OCA2: variants seen among roughly 807,000 people sequenced by gnomAD.
OCA2 encodes the protein OCA2 melanosomal transmembrane protein.
OCA2 carries 77 observed loss-of-function variants against 100.2 expected under a neutral mutation model. The ratio of observed to expected loss-of-function variants is 0.77; its 90% CI spans 0.64 to 0.93. The LOEUF (loss-of-function observed/expected upper bound fraction) is 0.93. Ranked by LOEUF, OCA2 falls within the 40% of genes least tolerant of loss-of-function variation. The pLI, the probability that OCA2 is intolerant of heterozygous loss-of-function variation, is 0.00. For missense variants in OCA2, 1,062 were observed against 1,089.1 expected, an observed-to-expected ratio of 0.98 and a Z score of 0.35; for synonymous variants, 432 against 439.2, an observed-to-expected ratio of 0.98 and a Z score of 0.21.
chr15:27,836,626 A>G (rs1267654346), intron 23 of OCA2, among the ~76,000 whole-genome samples: 1 of 152,206 alleles, frequency 6.6e-6, no homozygotes, highest in Non-Finnish European at 1.5e-5. Flanking sequence ...CCAATATTAC[A>G]TTAGCAACTG....
chr15:28,068,170 T>C (rs2044082905), intron 2 of OCA2, among the ~76,000 whole-genome samples: 1 of 152,162 alleles, frequency 6.6e-6, no homozygotes, highest in Non-Finnish European at 1.5e-5. Context: ...TAATTTCCAT[T>C]TGCATGGTAG....
chr15:27,899,963 G>T (rs1472344056), intron 19 of OCA2, among the ~76,000 whole-genome samples: 1 of 152,084 alleles, frequency 6.6e-6, no homozygotes, highest in Non-Finnish European at 1.5e-5. Flanking sequence ...GAGCTCAGTG[G>T]ATTTGCGGGT....
intron 23 of OCA2, among the ~76,000 whole-genome samples, chr15:27,758,471 G>T (rs2030566407): frequency 1.3e-5 from 2 of 152,362 alleles, no homozygotes; most frequent in South Asian, 4.1e-4. Flanking sequence ...AGCCAGGGGT[G>T]TTTCAAGTTG....
chr15:27,866,648 C>T (rs891014942), intron 21 of OCA2, among the ~76,000 whole-genome samples: 2 of 152,172 alleles, frequency 1.3e-5, no homozygotes, highest in Admixed American at 6.5e-5. Context: ...ATCCGCTTGT[C>T]CAGTGACTTG....
intron 5 of OCA2, among the ~76,000 whole-genome samples, chr15:28,024,050 C>T (rs938883336): frequency 5.3e-5 from 8 of 152,214 alleles, no homozygotes; most frequent in South Asian, 2.1e-4. Flanking sequence ...GACCCTGGCT[C>T]AGGCTACATC....
At chr15:27,888,797 G>T (rs919371443) in intron 19 of OCA2, among the ~76,000 whole-genome samples, 22 of 152,130 alleles carry the variant, frequency 1.4e-4, no homozygotes, top group African/African-American at 5.3e-4. Context: ...GTATATGTGT[G>T]TGTATTTACA....
At chr15:27,974,034 G>A (rs1018192932) in intron 14 of OCA2, among the ~76,000 whole-genome samples, 2 of 152,138 alleles carry the variant, frequency 1.3e-5, no homozygotes, top group African/African-American at 4.8e-5. Context: ...CATTGATTTT[G>A]TAACCTGAGA....
intron 22 of OCA2, among the ~76,000 whole-genome samples, chr15:27,849,124 C>G (rs1183237171): frequency 6.6e-6 from 1 of 151,822 alleles, no homozygotes; most frequent in Non-Finnish European, 1.5e-5. Context: ...CTAAACACAG[C>G]CACGTGCTGC....
the OCA2 span, among the ~76,000 whole-genome samples, chr15:27,733,423 C>T: frequency 1.4e-4 from 21 of 152,170 alleles, no homozygotes; most frequent in Admixed American, 2.6e-4. Flanking sequence ...GGCTGTCAGT[C>T]TGTCAGCCAC....
At chr15:27,724,813 G>A in the OCA2 span, among the ~76,000 whole-genome samples, 4 of 109,758 alleles carry the variant, frequency 3.6e-5, no homozygotes, top group East Asian at 2.0e-4. Flanking sequence ...TGTGAGAGAC[G>A]CTTTTTTTTT....
At chr15:27,723,574 C>T in the OCA2 span, among the ~76,000 whole-genome samples, 1 of 151,930 alleles carries the variant, frequency 6.6e-6, no homozygotes, top group Non-Finnish European at 1.5e-5. Flanking sequence ...AAGAACCGAC[C>T]TGGGGGCAGG....
chr15:27,746,591 G>A, the OCA2 span, among the ~76,000 whole-genome samples: 1 of 152,178 alleles, frequency 6.6e-6, no homozygotes, highest in Admixed American at 6.5e-5. Context: ...AACAACCCTA[G>A]CTGTGAGTCA....
At position 27,913,838 on chromosome 15, in the gene OCA2, GGAAAGAAAGAAAGAAA is replaced by G. The variant is rs367919609; in HGVS notation, c.2079+12273_2079+12288del. On this transcript the variant is annotated intron_variant, in intron 19 of 23. Transcript: ENST00000354638. ...AAAGAGAAAGAAAGAAAGAAAGAAA[GGAAAGAAAGAAAGAAA>G]GAAAGAAAGAAAGAAAGAAAGAAAG... 1.2e-3 allele frequency among the ~76,000 whole-genome samples: 45 copies of G among 37,038 alleles called. 4 individuals carry two copies. Among genetic ancestry groups the G allele is most frequent in the Middle Eastern group, 0.036 (2 of 56 alleles). 24.3% of individuals were successfully genotyped at this position (37,038 alleles called of 152,430 possible).
At chr15:27,884,199 TG>T (rs1400870166) in intron 19 of OCA2, among the ~76,000 whole-genome samples, 1 of 152,162 alleles carries the variant, frequency 6.6e-6, no homozygotes, top group Admixed American at 6.5e-5. Context: ...CTGGTCAATG[TG>T]GCGAAACCTG....
At chr15:27,825,307 A>G (rs2034676114) in intron 23 of OCA2, among the ~76,000 whole-genome samples, 1 of 152,152 alleles carries the variant, frequency 6.6e-6, no homozygotes, top group Admixed American at 6.5e-5. Flanking sequence ...GTCAGGAAGC[A>G]CACGTAGACA....
At chr15:27,876,188 GCTCT>G (rs2151519994) in intron 19 of OCA2, among the ~76,000 whole-genome samples, 1 of 152,088 alleles carries the variant, frequency 6.6e-6, no homozygotes, top group Admixed American at 6.5e-5. Context: ...TTCATGGTTT[GCTCT>G]CTAATGCTTT....
At chr15:28,018,884 G>A (rs903417696) in intron 6 of OCA2, among the ~76,000 whole-genome samples, 5 of 152,144 alleles carry the variant, frequency 3.3e-5, no homozygotes, top group African/African-American at 4.8e-5. Flanking sequence ...GGCCCCTCCC[G>A]GCCCGTTTCC....
the OCA2 span, among the ~76,000 whole-genome samples, chr15:27,738,437 T>C: frequency 3.4e-4 from 52 of 152,240 alleles, no homozygotes; most frequent in African/African-American, 1.3e-3. Context: ...CTTCCACTTA[T>C]AAGAAGCTCA....
At chr15:27,758,945 G>A (rs2030611731) in intron 23 of OCA2, among the ~76,000 whole-genome samples, 1 of 152,076 alleles carries the variant, frequency 6.6e-6, no homozygotes, top group Non-Finnish European at 1.5e-5. Flanking sequence ...TATAAACCTA[G>A]AGATTTAAGA....
Sources: allele counts gnomAD v4.1 joint callset (sites outside exome capture counted in the v4.1 genomes callset), GRCh38; gene constraint gnomAD v4.1.1; transcripts MANE v1.5; gene names NCBI Gene and HGNC (gene_info 2026-07-23, HGNC 2026-07-21).